The following HMGXB4 variants were observed in gnomAD, a reference collection of about 807,000 sequenced individuals.
The protein encoded by HMGXB4 is HMG-box containing 4, also known as HMG domain-containing protein 4.
HMGXB4 carries 27 observed loss-of-function variants against 63.9 expected under a neutral mutation model. The observed-to-expected ratio is 0.42, with a 90% CI of 0.31 to 0.58. The LOEUF is 0.58. HMGXB4 is among the 20% of genes least tolerant of loss of function. The pLI is 0.13. For synonymous variants in HMGXB4, 264 were observed against 265.3 expected, an observed-to-expected ratio of 0.99 and a Z score of 0.05; for missense variants, 624 against 700.7, an observed-to-expected ratio of 0.89 and a Z score of 1.24.
intron 9 of HMGXB4, among the ~76,000 whole-genome samples, chr22:35,288,620 C>A (rs1924737682): frequency 6.6e-6 from 1 of 152,214 alleles, no homozygotes; most frequent in Admixed American, 6.5e-5. Flanking sequence ...CAAAGTTTCA[C>A]TAATGATATC....
At position 35,287,419 on chromosome 22, in the gene HMGXB4, G is replaced by A; in HGVS notation, c.1435G>A (p.Ala479Thr). 6.2e-7 allele frequency: 1 copy of A among 1,613,418 alleles called. No homozygotes were observed. Among genetic ancestry groups the A allele is most frequent in the Non-Finnish European group, 8.5e-7 (1 of 1,179,542 alleles). Residue 479 changes from alanine (A) to threonine (T), a missense_variant, in exon 8 of 11, where the codon GCA (alanine) becomes ACA (threonine). This residue lies in a region of HMGXB4 where 152 missense variants were observed against 230.1 expected (regional missense o/e 0.66). Transcript: ENST00000216106. ...KAEATTVKRK[A>T]SSSEGSMKVK... Reference sequence around the variant, plus strand: ...AGAAGCCACAACTGTGAAAAGGAAAGCATCCAGCTCAGAAGGTTCCATGAA... The same window carrying A: ...AGAAGCCACAACTGTGAAAAGGAAAACATCCAGCTCAGAAGGTTCCATGAA...
intron 10 of HMGXB4, 139 bp from the exon 11 acceptor site, chr22:35,293,468 C>G (rs1388315202): frequency 4.7e-6 from 3 of 637,984 alleles, no homozygotes; most frequent in African/African-American, 1.8e-5. Context: ...GCATAACAAA[C>G]AGCAGGATGC....
chr22:35,291,108 C>G (rs1192881918), intron 9 of HMGXB4, among the ~76,000 whole-genome samples: 2 of 152,034 alleles, frequency 1.3e-5, no homozygotes, highest in African/African-American at 4.8e-5. Context: ...ACTAAAAATA[C>G]AAAAATTAGC....
At chr22:35,285,886 A>G (rs771277139) in intron 6 of HMGXB4, 111 bp from the exon 7 acceptor site, 4 of 743,888 alleles carry the variant, frequency 5.4e-6, no homozygotes, top group Non-Finnish European at 8.8e-6. Context: ...GCATCTTGCA[A>G]CATTTAAATA....
the HMGXB4 span, among the ~76,000 whole-genome samples, chr22:35,252,048 C>T: frequency 3.9e-5 from 6 of 152,116 alleles, no homozygotes; most frequent in Non-Finnish European, 5.9e-5. Flanking sequence ...AACCCCGACT[C>T]TATTAAAAAT....
chr22:35,290,880 CAT>C (rs1283484105), intron 9 of HMGXB4, among the ~76,000 whole-genome samples: 4 of 152,008 alleles, frequency 2.6e-5, no homozygotes, highest in Non-Finnish European at 5.9e-5. Context: ...TCGTAATGGA[CAT>C]ATAATTATCA....
intron 5 of HMGXB4, among the ~76,000 whole-genome samples, chr22:35,280,824 T>G (rs1924200053): frequency 1.3e-5 from 2 of 152,200 alleles, no homozygotes; most frequent in Admixed American, 1.3e-4. Context: ...ACCCTTCATC[T>G]GCCTACATCT....
intron 5 of HMGXB4, among the ~76,000 whole-genome samples, chr22:35,276,360 A>AT: frequency 6.6e-6 from 1 of 152,290 alleles, no homozygotes; most frequent in East Asian, 1.9e-4. Context: ...ATTTTATTTC[A>AT]TTTTTTAAAT....
the HMGXB4 span, among the ~76,000 whole-genome samples, chr22:35,247,155 T>G: frequency 6.6e-6 from 1 of 152,236 alleles, no homozygotes; most frequent in African/African-American, 2.4e-5. Context: ...ACTGGATATT[T>G]GTATTCCTAT....
chr22:35,293,747 G>A lies in HMGXB4; in HGVS notation c.*96G>A. 1 of 832,252 alleles carries A rather than the reference G, an allele frequency of 1.2e-6. No homozygotes were observed. Among genetic ancestry groups the A allele is most frequent in the Non-Finnish European group, 2.0e-6 (1 of 503,094 alleles). The allele number at this position is 832,252 out of a possible 1,614,324, so 51.6% of individuals were successfully genotyped here. On this transcript the variant is annotated 3_prime_UTR_variant, in exon 11 of 11. Transcript: ENST00000216106. ...ATTCCTTCAGTGGCCTCTGGCTGTA[G>A]GTTTTAAATTTTTATATCTATACAT...
chr22:35,283,871 G>T, intron 5 of HMGXB4, 91 bp from the exon 6 acceptor site: 2 of 875,664 alleles, frequency 2.3e-6, no homozygotes, highest in Non-Finnish European at 3.8e-6. Context: ...AAAAGTTTAG[G>T]TATCCTTCTA....
chr22:35,284,058 G>C lies in HMGXB4; in HGVS notation c.1297+15G>C. 1 of 1,572,110 alleles carries C rather than the reference G, an allele frequency of 6.4e-7. No homozygotes were observed. The highest frequency in any genetic ancestry group is 8.8e-7 in the Non-Finnish European group (1 of 1,141,902). On this transcript the variant is annotated intron_variant, in intron 6 of 10. Coordinates refer to ENST00000216106, the MANE Select transcript of HMGXB4 (RefSeq NM_001003681.3). ...TCCAGGTATAGGTAAGAACATTACT[G>C]ATCTGTAGCGCTTTTGCTTTCCATT...
intron 5 of HMGXB4, among the ~76,000 whole-genome samples, chr22:35,275,681 AG>A (rs1385937029): frequency 1.4e-4 from 21 of 152,290 alleles, no homozygotes; most frequent in Middle Eastern, 3.4e-3. Context: ...TCAAGGCTTC[AG>A]TGAGTCGTAA....
chr22:35,257,517 A>G lies in HMGXB4; in HGVS notation c.-109A>G, dbSNP rs1352495958. 1 of 152,832 alleles carries G rather than the reference A, an allele frequency of 6.5e-6. No individual in the cohort carries two copies. The highest frequency in any genetic ancestry group is 1.5e-5 in the Non-Finnish European group (1 of 68,246). The allele number at this position is 152,832 out of a possible 1,614,324, so 9.5% of individuals were successfully genotyped here. Reference sequence around the variant, plus strand: ...TCTCTCCTTCTCCAAGATGGCGGCGATCGGCGGCGTTGAGGCGGGATCCGG... The same window carrying G: ...TCTCTCCTTCTCCAAGATGGCGGCGGTCGGCGGCGTTGAGGCGGGATCCGG... On this transcript the variant is annotated 5_prime_UTR_variant, in exon 1 of 11. Transcript: ENST00000216106.
In HMGXB4 at chr22:35,288,422, C is replaced by CAGCAG. The variant is rs541180317; in HGVS notation, c.1638+16_1638+20dup. On this transcript the variant is annotated intron_variant, in intron 9 of 10. Coordinates refer to ENST00000216106, the MANE Select transcript of HMGXB4 (RefSeq NM_001003681.3). ...AGGAAACTGAGGTGAATACAACTAT[C>CAGCAG]AGCAGCATGACTACAGTTTCCCATA... is the stretch of plus-strand genomic sequence containing the variant. 2.5e-5 allele frequency: 39 copies of CAGCAG among 1,560,380 alleles called. No homozygotes were observed. The East Asian group carries it at 5.8e-4, about 23-fold the overall frequency.
chr22:35,282,456 C>T lies in HMGXB4; in HGVS notation c.1216-1506C>T, dbSNP rs149368380. 2.8e-4 allele frequency among the ~76,000 whole-genome samples: 42 copies of T among 152,234 alleles called. No homozygotes were observed. In the East Asian group the frequency reaches 2.9e-3, roughly 10 times the overall value. ...GATTACAGGTGTGAGCTACCCCACC[C>T]GGCCACATTCATGTCATTTTAATAA... On this transcript the variant is annotated intron_variant, in intron 5 of 10. Transcript: ENST00000216106.
At chr22:35,290,273 A>T (rs1924846073) in intron 9 of HMGXB4, among the ~76,000 whole-genome samples, 1 of 152,196 alleles carries the variant, frequency 6.6e-6, no homozygotes, top group South Asian at 2.1e-4. Context: ...TAAAGTGCAG[A>T]ATTTAGTGAT....
intron 5 of HMGXB4, among the ~76,000 whole-genome samples, chr22:35,276,941 T>G (rs915971688): frequency 6.6e-6 from 1 of 152,238 alleles, no homozygotes; most frequent in Non-Finnish European, 1.5e-5. Context: ...ATATTGCCTT[T>G]TTGGGTGCCA....
intron 5 of HMGXB4, among the ~76,000 whole-genome samples, chr22:35,266,909 A>G (rs1923286611): frequency 6.6e-6 from 1 of 152,254 alleles, no homozygotes; most frequent in South Asian, 2.1e-4. Context: ...GCTTAAGCCC[A>G]AGAGGTGGAG....
Sources: allele counts gnomAD v4.1 joint callset (sites outside exome capture counted in the v4.1 genomes callset), GRCh38; gene constraint gnomAD v4.1.1; regional missense constraint gnomAD v4.1.1; transcripts MANE v1.5; gene names NCBI Gene and HGNC (gene_info 2026-07-23, HGNC 2026-07-21).